Variants in TTC13 observed in about 807,000 individuals in gnomAD.
The protein encoded by TTC13 is tetratricopeptide repeat protein 13.
In TTC13, 62 loss-of-function variants were observed where a neutral mutation model predicts 120.0. That is an observed-to-expected ratio of 0.52 (90% CI 0.42 to 0.64). TTC13 has a LOEUF of 0.64. Ranked by LOEUF, TTC13 falls within the 30% of genes least tolerant of loss-of-function variation. The pLI is 0.00. For synonymous variants in TTC13, 384 were observed against 393.5 expected (o/e 0.98, Z 0.28); for missense variants, 824 against 1,050.2 (o/e 0.78, Z 2.98).
chr1:230,948,558 G>A (rs1290955308), intron 4 of TTC13, among the ~76,000 whole-genome samples: 1 of 151,338 alleles, frequency 6.6e-6, no homozygotes, highest in East Asian at 1.9e-4. Context: ...AGTGGTGCAA[G>A]CCTAGCTCAC....
chr1:230,928,837 C>T (rs1673278257), intron 12 of TTC13, 100 bp downstream of exon 12: 4 of 1,292,722 alleles, frequency 3.1e-6, no homozygotes, highest in African/African-American at 1.5e-5. Flanking sequence ...GCAATTCTAC[C>T]TCACCCTCCC....
chr1:230,940,173 CA>C lies in TTC13; in HGVS notation c.789+266del, dbSNP rs1304485535. The stretch of plus-strand genomic sequence containing the variant: ...GCGAGAAAGATTGACATACAATCCA[CA>C]AACTAAATTTATCTTTCTCTCTCTT... On this transcript the variant is annotated intron_variant, in intron 7 of 22. Coordinates refer to ENST00000366661, the MANE Select transcript of TTC13 (RefSeq NM_024525.5). This position sits in a 1 kb window ranked among gnomAD's most constrained non-coding sequence, Gnocchi z 4.1. 6.6e-6 allele frequency among the ~76,000 whole-genome samples: 1 copy of C among 152,206 alleles called. No individual in the cohort carries two copies. Among genetic ancestry groups the C allele is most frequent in the Admixed American group, 6.5e-5 (1 of 15,278 alleles).
intron 4 of TTC13, among the ~76,000 whole-genome samples, chr1:230,948,671 T>C (rs1428411106): frequency 6.6e-6 from 1 of 152,052 alleles, no homozygotes; most frequent in Non-Finnish European, 1.5e-5. Context: ...AATTTTTTTG[T>C]TGAGATGGGG....
chr1:230,936,340 T>A, intron 8 of TTC13: 2 of 431,432 alleles, frequency 4.6e-6, no homozygotes, highest in Admixed American at 5.3e-5. Context: ...AATGAATCAA[T>A]CTCTAAGCAT....
At position 230,940,577 on chromosome 1, in the gene TTC13, A is replaced by G. The variant is rs1228076045; in HGVS notation, c.673-21T>C. 1 of 1,483,152 alleles carries G rather than the reference A, an allele frequency of 6.7e-7. No homozygotes were observed. The highest frequency in any genetic ancestry group is 1.4e-5 in the African/African-American group (1 of 72,422). The allele number at this position is 1,483,152 out of a possible 1,614,324, so 91.9% of individuals were successfully genotyped here. A position where few individuals can be genotyped will look rare whatever the true frequency, so the allele number is the denominator to read the frequency against. On this transcript the variant is annotated intron_variant, in intron 6 of 22. Transcript: ENST00000366661. This position sits in a 1 kb window ranked among gnomAD's most constrained non-coding sequence, Gnocchi z 4.1. ...AGAATCTAGAAATCCCAAACATGTA[A>G]TCAGGAAGAATACCAATGACCAACC...
At chr1:230,922,235 C>A (rs1001959097) in intron 15 of TTC13, among the ~76,000 whole-genome samples, 3 of 152,136 alleles carry the variant, frequency 2.0e-5, no homozygotes, top group Non-Finnish European at 2.9e-5. Context: ...TAGCTCCATG[C>A]CCTTCCCACT....
At position 230,971,345 on chromosome 1, in the gene TTC13, CAAAAAAA is replaced by C. The variant is rs11453211; in HGVS notation, c.271+7208_271+7214del. Among the ~76,000 whole-genome samples the C allele has an allele frequency of 4.9e-5, 4 of 80,822 alleles. No individual in the cohort carries two copies. In the East Asian group the frequency reaches 1.6e-3, roughly 32 times the overall value. The allele number at this position is 80,822 out of a possible 152,430, so 53.0% of individuals were successfully genotyped here. On this transcript the variant is annotated intron_variant, in intron 1 of 22. Transcript: ENST00000366661. ...TGGGCAACAGAGCAAGACTCCATCT[CAAAAAAA>C]AAAAAAAAAAAAAAGACAACCACAG...
At chr1:230,967,468 AT>A (rs1268548739) in intron 1 of TTC13, among the ~76,000 whole-genome samples, 1 of 152,076 alleles carries the variant, frequency 6.6e-6, no homozygotes, top group African/African-American at 2.4e-5. Context: ...CACTTTTGAA[AT>A]TTATTTAAGA....
Position 230,978,805 on chromosome 1 carries a change from C to A in TTC13, c.26G>T (p.Cys9Phe). The change falls in exon 1 of 23, where the codon TGC becomes TTC. Residue 9 changes from cysteine to phenylalanine, a missense_variant. Cys to Phe is a radical substitution (Grantham distance 205). Around this residue, in one of 4 missense-constraint regions of TTC13, gnomAD observed 160 missense variants for 137.2 expected, o/e 1.17. Coordinates refer to ENST00000366661, the MANE Select transcript of TTC13 (RefSeq NM_024525.5). The surrounding 1 kb of genome is among the most constrained non-coding windows in gnomAD (Gnocchi z 5.6). ...CACAGCGCCGCCCCAGAAGCAGCAG[C>A]AGCAGCAGCAGCCGGCAGGTGCCAT... is the stretch of plus-strand genomic sequence containing the variant. Reference protein sequence around the residue: MAPAGCCCCCCFWGGAVAA... With the variant: MAPAGCCCFCCFWGGAVAA... 5 of 1,493,638 alleles carry A rather than the reference C, an allele frequency of 3.3e-6. No homozygotes were observed. The South Asian group carries it at 6.3e-5, about 19-fold the overall frequency. The allele number at this position is 1,493,638 out of a possible 1,614,324, so 92.5% of individuals were successfully genotyped here.
chr1:230,940,138 G>A lies in TTC13; in HGVS notation c.789+302C>T, dbSNP rs1674407152. Among the ~76,000 whole-genome samples the A allele has an allele frequency of 6.6e-6, 1 of 152,328 alleles. No homozygotes were observed. Among genetic ancestry groups the A allele is most frequent in the Non-Finnish European group, 1.5e-5 (1 of 68,030 alleles). On this transcript the variant is annotated intron_variant, in intron 7 of 22. Transcript: ENST00000366661. The surrounding 1 kb of genome is among the most constrained non-coding windows in gnomAD (Gnocchi z 4.1). ...ACAACATGCACACCTGCTTCCCTAT[G>A]AGGACATTTGCGAGAAAGATTGACA...
intron 15 of TTC13, among the ~76,000 whole-genome samples, chr1:230,923,591 T>C (rs1245081185): frequency 6.6e-6 from 1 of 152,092 alleles, no homozygotes; most frequent in Non-Finnish European, 1.5e-5. Context: ...ATCTGCAATC[T>C]ACCCTTCGGT....
intron 4 of TTC13, among the ~76,000 whole-genome samples, chr1:230,946,386 T>C (rs144814556): frequency 6.6e-6 from 1 of 152,274 alleles, no homozygotes; most frequent in African/African-American, 2.4e-5. Flanking sequence ...GCCAGTATTA[T>C]AGAAAATGAA....
rs1186644929 is a variant in TTC13 at position 230,929,011 on chromosome 1, C to T, written c.1383G>A (p.Lys461=). The part of the protein sequence containing the change: ...NIDVDLPGSF[K]DHWAKNLPFL... ...AAGGCAAATTTTTAGCCCAGTGGTC[C>T]TTAAAGCTTCCAGGCAGATCCACAT... The change falls in exon 12 of 23, where the codon AAG becomes AAA. Residue 461 remains lysine (K), a synonymous_variant. Coordinates refer to ENST00000366661, the MANE Select transcript of TTC13 (RefSeq NM_024525.5). The T allele has an allele frequency of 1.9e-6, 3 of 1,614,040 alleles. No individual in the cohort carries two copies. The highest frequency in any genetic ancestry group is 1.7e-5 in the Admixed American group (1 of 60,004).
At chr1:230,955,390 G>A (rs934533353) in intron 3 of TTC13, among the ~76,000 whole-genome samples, 16 of 152,028 alleles carry the variant, frequency 1.1e-4, no homozygotes, top group Non-Finnish European at 2.1e-4. Flanking sequence ...TAGGCCAGGC[G>A]TGGTGGCTTA....
intron 6 of TTC13, among the ~76,000 whole-genome samples, chr1:230,943,354 T>C (rs1415023888): frequency 6.6e-6 from 1 of 152,088 alleles, no homozygotes. Context: ...AACAATAGAC[T>C]GGATTAAGAA....
At chr1:230,974,935 TTCA>T in intron 1 of TTC13, among the ~76,000 whole-genome samples, 1 of 152,350 alleles carries the variant, frequency 6.6e-6, no homozygotes, top group South Asian at 2.1e-4. Context: ...GTTATAGGAC[TTCA>T]TCATTAATAT....
intron 3 of TTC13, among the ~76,000 whole-genome samples, chr1:230,955,295 C>T (rs1262839302): frequency 6.6e-6 from 1 of 152,014 alleles, no homozygotes; most frequent in Non-Finnish European, 1.5e-5. Context: ...CCTTTAGGAC[C>T]TAACAGGTGT....
rs1216532249 is a variant in TTC13, at chr1:230,916,193, T to C, written c.2093A>G (p.Lys698Arg). 6.2e-7 allele frequency: 1 copy of C among 1,609,306 alleles called. No homozygotes were observed. Among genetic ancestry groups the C allele is most frequent in the Non-Finnish European group, 8.5e-7 (1 of 1,175,640 alleles). Residue 698 changes from lysine to arginine, a missense_variant and splice_region_variant, in exon 18 of 23, where the codon AAA (lysine) becomes AGA (arginine). By Grantham distance (26) the Lys-to-Arg change is conservative (BLOSUM62 2). Transcript: ENST00000366661. Reference protein sequence around the residue: ...DGFTITITGDKVGNILFSVET... With the variant: ...DGFTITITGDRVGNILFSVET... ...CACCCACATTAAGAAGCGCACATAC[T>C]TGTCTCCTGTAATCGTGATTGTGAA...
At position 230,940,446 on chromosome 1, in the gene TTC13, T is replaced by G. The variant is rs1463734369; in HGVS notation, c.783A>C (p.Ile261=). Reference sequence around the variant, plus strand: ...CAAGACAAAAACCAGTCACCTCTGATATGAAGTACAGGGTTCCCCGATGTC... The same window carrying G: ...CAAGACAAAAACCAGTCACCTCTGAGATGAAGTACAGGGTTCCCCGATGTC... ...LYRHRGTLYF[I]SEDYATAHED... is the part of the protein sequence containing the mutation. Residue 261 remains isoleucine (I), a synonymous_variant, in exon 7 of 23, where the codon ATA becomes ATC. Coordinates refer to ENST00000366661, the MANE Select transcript of TTC13 (RefSeq NM_024525.5). This position sits in a 1 kb window ranked among gnomAD's most constrained non-coding sequence, Gnocchi z 4.1. 6.2e-7 allele frequency: 1 copy of G among 1,604,342 alleles called. No individual in the cohort carries two copies. Among genetic ancestry groups the G allele is most frequent in the African/African-American group, 1.3e-5 (1 of 74,686 alleles).
Sources: allele counts gnomAD v4.1 joint callset (sites outside exome capture counted in the v4.1 genomes callset), GRCh38; gene constraint gnomAD v4.1.1; regional missense constraint gnomAD v4.1.1; non-coding constraint Gnocchi (gnomAD v3.1); transcripts MANE v1.5; gene names NCBI Gene and HGNC (gene_info 2026-07-23, HGNC 2026-07-21).